Variants in ZNRF1 observed in about 807,000 individuals in gnomAD.
ZNRF1 encodes zinc and ring finger 1.
In ZNRF1, 3 loss-of-function variants were observed where a neutral mutation model predicts 18.4. That is an observed-to-expected ratio of 0.16 (90% CI 0.07 to 0.42). ZNRF1 has a LOEUF of 0.42. Among genes scored for constraint, ZNRF1 ranks in the 10% least tolerant of loss-of-function variants. ZNRF1 has a pLI of 0.99. For synonymous variants in ZNRF1, 157 were observed against 144.2 expected, an observed-to-expected ratio of 1.09 and a Z score of -0.64; for missense variants, 310 against 329.8, an observed-to-expected ratio of 0.94 and a Z score of 0.47.
At chr16:75,085,545 C>T (rs1567491096) in intron 1 of ZNRF1, among the ~76,000 whole-genome samples, 1 of 152,072 alleles carries the variant, frequency 6.6e-6, no homozygotes, top group Non-Finnish European at 1.5e-5. Flanking sequence ...TGGGTAAATA[C>T]ATAGATGAGA....
At chr16:75,055,951 C>G (rs2035662420) in intron 1 of ZNRF1, among the ~76,000 whole-genome samples, 1 of 152,178 alleles carries the variant, frequency 6.6e-6, no homozygotes, top group Admixed American at 6.5e-5. Flanking sequence ...CATTTGCCAA[C>G]CAGTGATCCA....
chr16:75,030,391 C>G (rs1166427611), intron 1 of ZNRF1, among the ~76,000 whole-genome samples: 2 of 151,298 alleles, frequency 1.3e-5, no homozygotes, highest in Non-Finnish European at 2.9e-5. Context: ...GATCAAAGAC[C>G]TAAATATAAG....
intron 1 of ZNRF1, among the ~76,000 whole-genome samples, chr16:75,007,511 C>G (rs1334945955): frequency 6.6e-6 from 1 of 151,916 alleles, no homozygotes; most frequent in African/African-American, 2.4e-5. Flanking sequence ...TGAATTCCAA[C>G]TTAGGGGAGG....
chr16:75,050,895 AAAAC>A (rs1263286280), intron 1 of ZNRF1, among the ~76,000 whole-genome samples: 1,181 of 109,184 alleles, frequency 0.011, 310 homozygotes, highest in African/African-American at 0.038. Flanking sequence ...AAAACAAAAA[AAAAC>A]AAAAAACTTG....
chr16:75,019,187 T>C (rs555466723), intron 1 of ZNRF1, among the ~76,000 whole-genome samples: 12 of 151,612 alleles, frequency 7.9e-5, no homozygotes, highest in Admixed American at 3.3e-4. Context: ...AAGATTAATA[T>C]AGCTTTTTTT....
At chr16:75,043,951 G>A (rs945171002) in intron 1 of ZNRF1, among the ~76,000 whole-genome samples, 6 of 151,634 alleles carry the variant, frequency 4.0e-5, no homozygotes, top group African/African-American at 9.7e-5. Flanking sequence ...CACCATACCC[G>A]GCTAATTTTG....
intron 1 of ZNRF1, among the ~76,000 whole-genome samples, chr16:75,073,009 G>C (rs2035888942): frequency 6.6e-6 from 1 of 152,182 alleles, no homozygotes; most frequent in South Asian, 2.1e-4. Flanking sequence ...TGAGGGGCCA[G>C]GCAGGTACAG....
chr16:75,100,361 A>G (rs1030420858), intron 2 of ZNRF1, among the ~76,000 whole-genome samples: 16 of 152,214 alleles, frequency 1.1e-4, no homozygotes, highest in Non-Finnish European at 1.8e-4. Context: ...GCCCCAGGAC[A>G]AGAAGAATCG....
intron 1 of ZNRF1, among the ~76,000 whole-genome samples, chr16:75,050,650 C>T (rs1447276708): frequency 4.0e-5 from 6 of 151,758 alleles, no homozygotes; most frequent in Non-Finnish European, 5.9e-5. Context: ...GGGCGGATCA[C>T]GAGGTCAGGA....
At chr16:75,024,111 C>T (rs930837152) in intron 1 of ZNRF1, among the ~76,000 whole-genome samples, 1 of 152,094 alleles carries the variant, frequency 6.6e-6, no homozygotes, top group African/African-American at 2.4e-5. Flanking sequence ...CTCAGGTGAT[C>T]CACCTGCCTT....
intron 2 of ZNRF1, among the ~76,000 whole-genome samples, chr16:75,099,449 C>T (rs1346200154): frequency 6.6e-6 from 1 of 152,086 alleles, no homozygotes; most frequent in Non-Finnish European, 1.5e-5. Flanking sequence ...GGGCCGTGCT[C>T]GCCATTCTGG....
chr16:75,065,028 G>T (rs1188023200), intron 1 of ZNRF1, among the ~76,000 whole-genome samples: 1 of 152,216 alleles, frequency 6.6e-6, no homozygotes, highest in Non-Finnish European at 1.5e-5. Flanking sequence ...TGAGAGATAG[G>T]CCGTGTTCCT....
intron 1 of ZNRF1, among the ~76,000 whole-genome samples, chr16:75,047,532 C>G (rs758793444): frequency 1.3e-5 from 2 of 152,252 alleles, no homozygotes; most frequent in Non-Finnish European, 2.9e-5. Context: ...AATAGAGTCA[C>G]AATGAACACT....
intron 1 of ZNRF1, among the ~76,000 whole-genome samples, chr16:75,028,651 G>C (rs2035256894): frequency 6.6e-6 from 1 of 152,176 alleles, no homozygotes; most frequent in South Asian, 2.1e-4. Flanking sequence ...TTGGTTTTCT[G>C]ATTTTTCTTC....
chr16:75,046,931 G>A (rs913332424), intron 1 of ZNRF1: 4 of 153,664 alleles, frequency 2.6e-5, no homozygotes, highest in African/African-American at 7.2e-5. Flanking sequence ...GATCATCTAC[G>A]TGTTAGCACC....
chr16:75,000,318 C>A, intron 1 of ZNRF1: 1 of 724,896 alleles, frequency 1.4e-6, no homozygotes, highest in Non-Finnish European at 2.4e-6. Context: ...CGTGTGTTCA[C>A]TTGTGGAAGG....
intron 1 of ZNRF1, among the ~76,000 whole-genome samples, chr16:75,013,252 G>A (rs1263043425): frequency 6.6e-6 from 1 of 152,118 alleles, no homozygotes; most frequent in African/African-American, 2.4e-5. Flanking sequence ...AAAGGAGTAA[G>A]AATTACTTCT....
At chr16:75,041,387 C>T (rs1203824199) in intron 1 of ZNRF1, among the ~76,000 whole-genome samples, 2 of 151,904 alleles carry the variant, frequency 1.3e-5, no homozygotes, top group African/African-American at 4.8e-5. Flanking sequence ...TAGAGTGCAA[C>T]GGCATGATCT....
chr16:75,100,767 A>C (rs557156381), intron 2 of ZNRF1, among the ~76,000 whole-genome samples: 5 of 152,364 alleles, frequency 3.3e-5, no homozygotes, highest in African/African-American at 1.2e-4. Flanking sequence ...GCTATAGCCC[A>C]TACGCTCATG....
Sources: allele counts gnomAD v4.1 joint callset (sites outside exome capture counted in the v4.1 genomes callset), GRCh38; gene constraint gnomAD v4.1.1; transcripts MANE v1.5; gene names NCBI Gene and HGNC (gene_info 2026-07-23, HGNC 2026-07-21).